The following MRTFA variants were observed in gnomAD, a reference collection of about 807,000 sequenced individuals.
MRTFA encodes myocardin related transcription factor A.
A neutral mutation model predicts 83.5 loss-of-function variants in MRTFA; 20 were observed. The observed-to-expected ratio is 0.24, with a 90% confidence interval of 0.17 to 0.35. MRTFA has a LOEUF of 0.35. Ranked by LOEUF, MRTFA falls within the 10% of genes least tolerant of loss-of-function variation. The pLI is 1.00. For synonymous variants in MRTFA, 659 were observed against 541.2 expected (o/e 1.22, Z -3.02); for missense variants, 1,200 against 1,224.7 (o/e 0.98, Z 0.30).
At chr22:40,479,574 T>C (rs951336954) in intron 3 of MRTFA, among the ~76,000 whole-genome samples, 19 of 152,262 alleles carry the variant, frequency 1.2e-4, no homozygotes, top group Admixed American at 9.2e-4. Context: ...ATGAATCAAT[T>C]ATGAAACACA....
intron 3 of MRTFA, among the ~76,000 whole-genome samples, chr22:40,550,995 G>A (rs2055436600): frequency 6.6e-6 from 1 of 151,756 alleles, no homozygotes; most frequent in Non-Finnish European, 1.5e-5. Flanking sequence ...GGGATTACAA[G>A]CATGTGCCAC....
chr22:40,447,922 G>A (rs2053411896), intron 4 of MRTFA, among the ~76,000 whole-genome samples: 1 of 152,184 alleles, frequency 6.6e-6, no homozygotes, highest in South Asian at 2.1e-4. Context: ...TGTGTGATAT[G>A]CCCGGTGTGG....
chr22:40,609,278 A>G (rs1460925381), intron 1 of MRTFA, among the ~76,000 whole-genome samples: 3 of 149,314 alleles, frequency 2.0e-5, no homozygotes, highest in East Asian at 2.0e-4. Context: ...GTGACAGAGC[A>G]AGACTCCTTC....
chr22:40,561,898 G>C (rs2055623700), intron 2 of MRTFA, among the ~76,000 whole-genome samples: 2 of 152,102 alleles, frequency 1.3e-5, no homozygotes, highest in South Asian at 4.1e-4. Flanking sequence ...AAGAGGACTG[G>C]CAGCTTCTAC....
At position 40,410,581 on chromosome 22, in the gene MRTFA, TAAGGAGC is replaced by T; in HGVS notation, c.*802_*808del. 4.3e-6 allele frequency: 1 copy of T among 233,090 alleles called. No individual in the cohort carries two copies. The highest frequency in any genetic ancestry group is 8.5e-6 in the Non-Finnish European group (1 of 117,694). 14.4% of individuals were successfully genotyped at this position (233,090 alleles called of 1,614,324 possible). On this transcript the variant is annotated 3_prime_UTR_variant, in exon 15 of 15. Transcript: ENST00000355630. ...AGCACCTCTGCCCTCATGGCACTGA[TAAGGAGC>T]CAGGAAGCAGGGCAGGTGGGGCATA...
At chr22:40,412,086 TATTTG>T (rs1232413512) in intron 14 of MRTFA, 179 bp from the exon 15 acceptor site, 8 of 476,858 alleles carry the variant, frequency 1.7e-5, no homozygotes, top group African/African-American at 1.2e-4. Flanking sequence ...GCAAATCACA[TATTTG>T]ATAAAGAAGT....
intron 3 of MRTFA, among the ~76,000 whole-genome samples, chr22:40,478,215 A>T (rs1316589419): frequency 6.6e-6 from 1 of 152,158 alleles, no homozygotes; most frequent in African/African-American, 2.4e-5. Context: ...TACAAATCTT[A>T]TGATTAAATG....
intron 3 of MRTFA, among the ~76,000 whole-genome samples, chr22:40,513,808 A>C (rs1016018267): frequency 6.6e-6 from 1 of 152,006 alleles, no homozygotes; most frequent in Non-Finnish European, 1.5e-5. Flanking sequence ...ATAAGAGACA[A>C]CTTTTGGGCT....
intron 2 of MRTFA, among the ~76,000 whole-genome samples, chr22:40,583,547 C>T (rs2055980539): frequency 6.6e-6 from 1 of 152,172 alleles, no homozygotes; most frequent in Non-Finnish European, 1.5e-5. Flanking sequence ...TTCCCAACCC[C>T]CAGTCCATGG....
intron 3 of MRTFA, among the ~76,000 whole-genome samples, chr22:40,494,285 T>C (rs1158318989): frequency 1.3e-5 from 2 of 152,182 alleles, no homozygotes; most frequent in East Asian, 1.9e-4. Context: ...TAACATGTCA[T>C]TAAAACTACT....
intron 1 of MRTFA, among the ~76,000 whole-genome samples, chr22:40,635,123 G>T (rs2056680779): frequency 6.6e-6 from 1 of 152,140 alleles, no homozygotes; most frequent in African/African-American, 2.4e-5. Context: ...AAAGCCCTTT[G>T]GTTCGCTATG....
In MRTFA at chr22:40,584,608, T is replaced by C. The variant is rs562653576; in HGVS notation, c.-22+10066A>G. Among the ~76,000 whole-genome samples the C allele has an allele frequency of 2.0e-5, 3 of 151,706 alleles. No individual in the cohort carries two copies. In the South Asian group the frequency reaches 6.2e-4, roughly 32 times the overall value. ...AAAATTAGCCGGGTGTGGTGGCACA[T>C]GCCTGTAATCCCAGCTACTCGGGAG... On this transcript the variant is annotated intron_variant, in intron 2 of 14. Transcript: ENST00000355630.
intron 3 of MRTFA, among the ~76,000 whole-genome samples, chr22:40,516,915 T>G (rs1244809034): frequency 3.9e-5 from 6 of 152,050 alleles, no homozygotes; most frequent in Admixed American, 3.3e-4. Flanking sequence ...ACAACATAAT[T>G]TTTTTCTTTT....
intron 3 of MRTFA, among the ~76,000 whole-genome samples, chr22:40,481,578 G>A (rs191702526): frequency 4.9e-4 from 74 of 152,178 alleles, no homozygotes; most frequent in African/African-American, 1.7e-3. Context: ...GAGAGTGACA[G>A]GGGTGGTGAT....
intron 4 of MRTFA, among the ~76,000 whole-genome samples, chr22:40,459,125 G>C (rs1352584890): frequency 6.6e-6 from 1 of 151,024 alleles, no homozygotes; most frequent in African/African-American, 2.4e-5. Flanking sequence ...GGGATTAGTG[G>C]GAGTCAGCAG....
intron 3 of MRTFA, among the ~76,000 whole-genome samples, chr22:40,516,163 A>C (rs556668769): frequency 6.6e-6 from 1 of 152,224 alleles, no homozygotes; most frequent in African/African-American, 2.4e-5. Flanking sequence ...CATGCCTGTA[A>C]TCCCAACACT....
intron 1 of MRTFA, among the ~76,000 whole-genome samples, chr22:40,635,896 G>A (rs2056691738): frequency 6.6e-6 from 1 of 152,200 alleles, no homozygotes; most frequent in Non-Finnish European, 1.5e-5. Flanking sequence ...GCACTATGGA[G>A]TATCAAAGGT....
chr22:40,568,069 A>C (rs1423602776), intron 2 of MRTFA, among the ~76,000 whole-genome samples: 1 of 152,212 alleles, frequency 6.6e-6, no homozygotes, highest in Non-Finnish European at 1.5e-5. Flanking sequence ...AGGAAAGTGT[A>C]TATTCAAGGT....
intron 6 of MRTFA, among the ~76,000 whole-genome samples, chr22:40,430,355 G>A (rs934493299): frequency 6.6e-6 from 1 of 151,838 alleles, no homozygotes; most frequent in African/African-American, 2.4e-5. Context: ...AGGCGTGGTG[G>A]CATGTGCCTG....
Sources: gnomAD v4.1 joint callset for allele counts (sites outside exome capture counted in the v4.1 genomes callset) on GRCh38, gnomAD v4.1.1 for gene constraint, MANE v1.5 for transcripts, NCBI Gene and HGNC (gene_info 2026-07-23, HGNC 2026-07-21) for gene names.